Variants in YIPF1 observed in about 807,000 individuals in gnomAD.
The protein encoded by YIPF1 is Yip1 domain family member 1, also known as protein YIPF1.
YIPF1 carries 22 observed loss-of-function variants against 37.0 expected under a neutral mutation model. The ratio of observed to expected loss-of-function variants is 0.59; its 90% CI spans 0.42 to 0.85. The LOEUF is 0.85. YIPF1 is among the 40% of genes least tolerant of loss of function. The pLI is 0.00. For synonymous variants in YIPF1, 128 were observed against 131.9 expected (o/e 0.97, Z 0.21); for missense variants, 355 against 373.1 (o/e 0.95, Z 0.40).
intron 10 of YIPF1, among the ~76,000 whole-genome samples, chr1:53,854,277 T>C (rs1211025090): frequency 2.6e-5 from 4 of 151,604 alleles, no homozygotes; most frequent in Admixed American, 2.0e-4. Flanking sequence ...AAAAATTCCT[T>C]CTCCTGCTGC....
chr1:53,857,344 T>A (rs546681043), intron 10 of YIPF1, among the ~76,000 whole-genome samples: 80 of 152,114 alleles, frequency 5.3e-4, no homozygotes, highest in Non-Finnish European at 4.3e-4. Context: ...AATAGATAAT[T>A]AATACAGCAC....
Position 53,866,748 on chromosome 1 carries a change from T to C in YIPF1, c.648+10A>G, listed in dbSNP as rs199724066. 2.3e-4 allele frequency: 376 copies of C among 1,609,494 alleles called. No individual in the cohort carries two copies. The highest frequency in any genetic ancestry group is 6.7e-4 in the Middle Eastern group (4 of 6,010). ...TCACTCAGAATCTACTCCCTAAGTA[T>C]GGTACTTACTGCGGTGGGGATATAA... On this transcript the variant is annotated intron_variant, in intron 8 of 10. Transcript: ENST00000072644.
intron 6 of YIPF1, among the ~76,000 whole-genome samples, chr1:53,876,539 T>A (rs1650340008): frequency 6.6e-6 from 1 of 152,234 alleles, no homozygotes; most frequent in Admixed American, 6.5e-5. Context: ...AGGCTACTAG[T>A]GTCACAGAAA....
intron 4 of YIPF1, among the ~76,000 whole-genome samples, chr1:53,879,180 G>A (rs1159814125): frequency 6.6e-6 from 1 of 151,004 alleles, no homozygotes; most frequent in Non-Finnish European, 1.5e-5. Context: ...CTGCAGCCTT[G>A]AACTCCTGGG....
At position 53,858,058 on chromosome 1, in the gene YIPF1, T is replaced by G. The variant is rs189338839; in HGVS notation, c.*8+1998A>C. On this transcript the variant is annotated intron_variant, in intron 10 of 10. Transcript: ENST00000072644. ...GTTAGTTTGCCCCAGAACTCTGGGG[T>G]GGCCTTGGGTAAGGCACTGTCCTCT... 1.4e-3 allele frequency among the ~76,000 whole-genome samples: 205 copies of G among 150,356 alleles called. 3 individuals carry two copies. Among genetic ancestry groups the G allele is most frequent in the Non-Finnish European group, 8.0e-4 (54 of 67,664 alleles).
rs10888814 is a variant in YIPF1 at position 53,889,368 on chromosome 1, A to G, written c.-174T>C. 0.23 allele frequency: 37,427 copies of G among 163,850 alleles called. 4,518 individuals carry two copies. Among genetic ancestry groups the G allele is most frequent in the African/African-American group, 0.3 (12,485 of 41,912 alleles). 10.1% of individuals were successfully genotyped at this position (163,850 alleles called of 1,614,324 possible). A position where few individuals can be genotyped will look rare whatever the true frequency, so the allele number is the denominator to read the frequency against. ...GCAGTTCAGCCTAGCCAGTGGTTAA[A>G]GGCACAGGCTCTGGGGTCAGACAGA... is the stretch of plus-strand genomic sequence containing the variant. On this transcript the variant is annotated 5_prime_UTR_variant, in exon 2 of 11. Coordinates refer to ENST00000072644, the MANE Select transcript of YIPF1 (RefSeq NM_018982.5).
chr1:53,853,834 G>A (rs537995321), intron 10 of YIPF1, among the ~76,000 whole-genome samples: 5 of 152,230 alleles, frequency 3.3e-5, no homozygotes, highest in East Asian at 1.9e-4. Flanking sequence ...AGGGACAAAC[G>A]GGCCCACAGA....
At chr1:53,889,116 A>G (rs1650734348) in intron 2 of YIPF1, 128 bp downstream of exon 2, 4 of 495,838 alleles carry the variant, frequency 8.1e-6, no homozygotes. Context: ...GTTTATATAA[A>G]GATAACCACT....
Position 53,878,653 on chromosome 1 carries a change from C to A in YIPF1, c.265G>T (p.Asp89Tyr), listed in dbSNP as rs777360835. The change falls in exon 5 of 11, where the codon GAC becomes TAC. Residue 89 changes from aspartate to tyrosine, a missense_variant. Physicochemically the swap from Asp to Tyr is radical, Grantham distance 160. Coordinates refer to ENST00000072644, the MANE Select transcript of YIPF1 (RefSeq NM_018982.5). Reference sequence around the variant, plus strand: ...ATTGGTTTCCAAACCTGGTAGGTGTCCACATCAAAGAATGTTTGGTAGTAT... The same window carrying A: ...ATTGGTTTCCAAACCTGGTAGGTGTACACATCAAAGAATGTTTGGTAGTAT... ...FEYYQTFFDV[D>Y]TYQVFDRIKG... The A allele has an allele frequency of 6.2e-7, 1 of 1,604,178 alleles. No individual in the cohort carries two copies. Among genetic ancestry groups the A allele is most frequent in the Admixed American group, 1.8e-5 (1 of 55,874 alleles).
At chr1:53,870,873 A>C (rs1030405797) in intron 7 of YIPF1, among the ~76,000 whole-genome samples, 1 of 151,822 alleles carries the variant, frequency 6.6e-6, no homozygotes, top group Non-Finnish European at 1.5e-5. Flanking sequence ...TTAGCCAGGT[A>C]TGGTGTTGCA....
At chr1:53,861,848 T>G (rs1649891714) in intron 9 of YIPF1, among the ~76,000 whole-genome samples, 1 of 152,146 alleles carries the variant, frequency 6.6e-6, no homozygotes, top group Non-Finnish European at 1.5e-5. Flanking sequence ...ACCCCACCTC[T>G]ACTAAAAATA....
At chr1:53,870,923 G>A (rs1557606073) in intron 7 of YIPF1, among the ~76,000 whole-genome samples, 1 of 149,568 alleles carries the variant, frequency 6.7e-6, no homozygotes. Flanking sequence ...GAGGTGGGAG[G>A]ATTACTTGAG....
At chr1:53,884,183 C>T (rs763480463) in intron 3 of YIPF1, among the ~76,000 whole-genome samples, 5 of 142,220 alleles carry the variant, frequency 3.5e-5, no homozygotes, top group South Asian at 4.6e-4. Context: ...TGCAGTGAGC[C>T]GTGATCATAC....
chr1:53,873,479 T>C (rs2100733489), intron 6 of YIPF1, among the ~76,000 whole-genome samples: 1 of 152,128 alleles, frequency 6.6e-6, no homozygotes. Context: ...TGAAGGGTCT[T>C]AGAAGCCCTG....
chr1:53,883,860 A>G (rs940884457), intron 3 of YIPF1, among the ~76,000 whole-genome samples: 2 of 152,096 alleles, frequency 1.3e-5, no homozygotes, highest in Non-Finnish European at 2.9e-5. Context: ...ACATGGTGAA[A>G]TGCTGTCTCT....
intron 6 of YIPF1, 21 bp downstream of exon 6, chr1:53,878,294 A>G (rs756897603): frequency 1.2e-6 from 2 of 1,610,514 alleles, no homozygotes. Flanking sequence ...AATACGGTAA[A>G]CAAATCAGTA....
Position 53,883,134 on chromosome 1 carries a change from A to G in YIPF1, c.174T>C (p.Asn58=), listed in dbSNP as rs746080900. ...AAACCTCAGTTTTGTCAGAGTCATCATTTCCCAGTAACTCATCATCTTCTT... is the reference window on the plus strand; with the variant it reads ...AAACCTCAGTTTTGTCAGAGTCATCGTTTCCCAGTAACTCATCATCTTCTT... ...GREEDDELLG[N]DDSDKTELLA... Residue 58 remains asparagine (N), a synonymous_variant, in exon 4 of 11, where the codon AAT becomes AAC. Transcript: ENST00000072644. 3.8e-6 allele frequency: 6 copies of G among 1,580,404 alleles called. No homozygotes were observed. Among genetic ancestry groups the G allele is most frequent in the Non-Finnish European group, 5.1e-6 (6 of 1,168,820 alleles).
At chr1:53,884,172 C>G (rs948700011) in intron 3 of YIPF1, among the ~76,000 whole-genome samples, 2 of 143,394 alleles carry the variant, frequency 1.4e-5, no homozygotes, top group African/African-American at 5.2e-5. Context: ...GAGGTAGAGG[C>G]TGCAGTGAGC....
chr1:53,874,595 C>T (rs1429412256), intron 6 of YIPF1, among the ~76,000 whole-genome samples: 2 of 151,734 alleles, frequency 1.3e-5, no homozygotes, highest in Non-Finnish European at 2.9e-5. Context: ...GGTAAAACTC[C>T]GTCTCTACTA....
Sources: gnomAD v4.1 joint callset for allele counts (sites outside exome capture counted in the v4.1 genomes callset) on GRCh38, gnomAD v4.1.1 for gene constraint, MANE v1.5 for transcripts, NCBI Gene and HGNC (gene_info 2026-07-23, HGNC 2026-07-21) for gene names.